The following USF3 variants were observed in gnomAD, a reference collection of about 807,000 sequenced individuals.
USF3 encodes the protein upstream transcription factor family member 3.
USF3 carries 29 observed loss-of-function variants against 157.5 expected under a neutral mutation model. The ratio of observed to expected loss-of-function variants is 0.18; its 90% confidence interval spans 0.14 to 0.25. The LOEUF (loss-of-function observed/expected upper bound fraction) is 0.25, where lower values mean the gene tolerates loss of function less well. USF3 is among the 10% of genes least tolerant of loss of function. The probability of loss-of-function intolerance (pLI) is 1.00; values close to 1 mark genes in which losing one functional copy is unlikely to be tolerated. For synonymous variants in USF3, 893 were observed against 941.4 expected, an observed-to-expected ratio of 0.95 and a Z score of 0.94; for missense variants, 2,381 against 2,667.6, an observed-to-expected ratio of 0.89 and a Z score of 2.37.
At position 113,653,035 on chromosome 3, in the gene USF3, G is replaced by C. The variant is rs534133926; in HGVS notation, c.*1909C>G. 6 of 525,764 alleles carry C rather than the reference G, an allele frequency of 1.1e-5. No homozygotes were observed. Among genetic ancestry groups the C allele is most frequent in the Admixed American group, 4.0e-5 (1 of 25,296 alleles). The allele number at this position is 525,764 out of a possible 1,614,324, so 32.6% of individuals were successfully genotyped here. On this transcript the variant is annotated 3_prime_UTR_variant, in exon 7 of 7. Coordinates refer to ENST00000316407, the MANE Select transcript of USF3 (RefSeq NM_001009899.4). The stretch of plus-strand genomic sequence containing the variant: ...GTTAGTTGCACCTAACGACACTCCA[G>C]CCTGGGTGACAGAGTCTCAAAAAAA...
At position 113,652,412 on chromosome 3, in the gene USF3, C is replaced by A. The variant is rs1473189031; in HGVS notation, c.*2532G>T. 1.3e-5 allele frequency: 2 copies of A among 151,842 alleles called. No individual in the cohort carries two copies. Among genetic ancestry groups the A allele is most frequent in the Non-Finnish European group, 2.9e-5 (2 of 67,988 alleles). 9.4% of individuals were successfully genotyped at this position (151,842 alleles called of 1,614,324 possible). A position where few individuals can be genotyped will look rare whatever the true frequency, so the allele number is the denominator to read the frequency against. On this transcript the variant is annotated 3_prime_UTR_variant, in exon 7 of 7. Transcript: ENST00000316407. ...TGAGTAACTTATTCATGAAGCTCTC[C>A]TATTCTTCCCCAAGACCATTTTGAA...
chr3:113,675,694 G>A (rs529900699), intron 2 of USF3, among the ~76,000 whole-genome samples: 53 of 152,220 alleles, frequency 3.5e-4, no homozygotes, highest in African/African-American at 1.0e-3. Context: ...GTATTAGTCC[G>A]TTCTCATGCT....
At chr3:113,688,433 A>C (rs1253849371) in intron 1 of USF3, among the ~76,000 whole-genome samples, 1 of 152,124 alleles carries the variant, frequency 6.6e-6, no homozygotes, top group Non-Finnish European at 1.5e-5. Context: ...GCCCATTTTG[A>C]ATTCACACTT....
chr3:113,675,203 T>A (rs1419794062), intron 2 of USF3, among the ~76,000 whole-genome samples: 1 of 152,178 alleles, frequency 6.6e-6, no homozygotes, highest in East Asian at 1.9e-4. Context: ...GATGTGAATT[T>A]GAGCAAGAGC....
rs2107915256 is a variant in USF3 at position 113,655,269 on chromosome 3, G to A, written c.6413C>T (p.Pro2138Leu). ...TCCACTGTTTACCTTCTCTGTGCTA[G>A]GATTTGAGAACATCTGATTAGGAAA... ...PYFPNQMFSN[P>L]STEKVNSGSL... Residue 2138 changes from proline (P) to leucine (L), a missense_variant, in exon 7 of 7, where the codon CCT becomes CTT. Pro to Leu is a moderately conservative substitution (Grantham distance 98, BLOSUM62 -3). Coordinates refer to ENST00000316407, the MANE Select transcript of USF3 (RefSeq NM_001009899.4). 6.2e-7 allele frequency: 1 copy of A among 1,614,074 alleles called. No individual in the cohort carries two copies. The highest frequency in any genetic ancestry group is 2.2e-5 in the East Asian group (1 of 44,884).
intron 5 of USF3, among the ~76,000 whole-genome samples, chr3:113,666,055 A>G (rs1478420460): frequency 6.6e-6 from 1 of 151,528 alleles, no homozygotes; most frequent in Non-Finnish European, 1.5e-5. Context: ...GTGGTGGCAC[A>G]TGCCTGTAAT....
In USF3 at chr3:113,648,614, A is replaced by T. The variant is rs1347870102; in HGVS notation, c.*6330T>A. 2.6e-5 allele frequency: 4 copies of T among 152,742 alleles called. No individual in the cohort carries two copies. The East Asian group carries it at 7.7e-4, about 29-fold the overall frequency. The allele number at this position is 152,742 out of a possible 1,614,324, so 9.5% of individuals were successfully genotyped here. ...ACAACTGTAGGACAATCCTGATCAT[A>T]TTATACATATCTGCTCTGGATTCCA... On this transcript the variant is annotated 3_prime_UTR_variant, in exon 7 of 7. Coordinates refer to ENST00000316407, the MANE Select transcript of USF3 (RefSeq NM_001009899.4).
At chr3:113,663,388 A>G (rs1947516526) in intron 6 of USF3, among the ~76,000 whole-genome samples, 1 of 152,234 alleles carries the variant, frequency 6.6e-6, no homozygotes. Context: ...GTTACTAAAC[A>G]TGGATCATTT....
At chr3:113,669,325 A>C (rs1707092424) in intron 5 of USF3, among the ~76,000 whole-genome samples, 1 of 151,766 alleles carries the variant, frequency 6.6e-6, no homozygotes, top group Non-Finnish European at 1.5e-5. Context: ...AAAAAAAAAA[A>C]AACACAGAAG....
At position 113,663,611 on chromosome 3, in the gene USF3, T is replaced by G. The variant is rs1259637745; in HGVS notation, c.256+702A>C. On this transcript the variant is annotated intron_variant, in intron 6 of 6. Coordinates refer to ENST00000316407, the MANE Select transcript of USF3 (RefSeq NM_001009899.4). ...GGCAATTCTGCCCTTTTTTCTCTCT[T>G]TTTAAGGTGGCCTACTGAGTTGTCA... 3.3e-5 allele frequency among the ~76,000 whole-genome samples: 5 copies of G among 152,218 alleles called. No individual in the cohort carries two copies. In the East Asian group the frequency reaches 9.6e-4, roughly 29 times the overall value.
At chr3:113,692,093 T>C (rs1184379261) in intron 1 of USF3, among the ~76,000 whole-genome samples, 1 of 152,162 alleles carries the variant, frequency 6.6e-6, no homozygotes, top group Non-Finnish European at 1.5e-5. Flanking sequence ...TGGTTCAGAA[T>C]AGGGCTCGCA....
In USF3 at chr3:113,659,053, G is replaced by A. The variant is rs754264180; in HGVS notation, c.2629C>T (p.Pro877Ser). 1 of 1,614,038 alleles carries A rather than the reference G, an allele frequency of 6.2e-7. No individual in the cohort carries two copies. The highest frequency in any genetic ancestry group is 8.5e-7 in the Non-Finnish European group (1 of 1,180,018). Residue 877 changes from proline to serine, a missense_variant, in exon 7 of 7, where the codon CCT (proline) becomes TCT (serine). By Grantham distance (74) the Pro-to-Ser change is moderately conservative (BLOSUM62 -1). Transcript: ENST00000316407. The stretch of plus-strand genomic sequence containing the variant: ...GACTTAGATTTCGATACAGACTCAG[G>A]TATTAATGATTCAGAGCTTAGAACA... ...LGVLSSESLIPESVSKSKSAE... is the reference protein window; with the variant it reads ...LGVLSSESLISESVSKSKSAE...
intron 4 of USF3, among the ~76,000 whole-genome samples, chr3:113,672,469 C>A (rs765799587): frequency 6.6e-6 from 1 of 151,844 alleles, no homozygotes; most frequent in Non-Finnish European, 1.5e-5. Flanking sequence ...TGACTCCAAT[C>A]AAAAAGATTA....
intron 1 of USF3, among the ~76,000 whole-genome samples, chr3:113,683,574 T>A (rs1440703858): frequency 7.0e-6 from 1 of 143,464 alleles, no homozygotes; most frequent in East Asian, 2.3e-4. Context: ...ATTCAAGCAA[T>A]TCTCCTGCTT....
chr3:113,689,389 T>C (rs1176121690), intron 1 of USF3, among the ~76,000 whole-genome samples: 1 of 152,230 alleles, frequency 6.6e-6, no homozygotes, highest in Non-Finnish European at 1.5e-5. Context: ...ACTGAGAAGA[T>C]AGAAGTCAAG....
intron 1 of USF3, among the ~76,000 whole-genome samples, chr3:113,691,753 C>T (rs1257507301): frequency 6.6e-6 from 1 of 152,170 alleles, no homozygotes; most frequent in African/African-American, 2.4e-5. Flanking sequence ...TAGCCAAATT[C>T]AATCTCTATT....
chr3:113,679,729 A>C (rs1228607832), intron 1 of USF3, among the ~76,000 whole-genome samples: 2 of 152,124 alleles, frequency 1.3e-5, no homozygotes, highest in African/African-American at 2.4e-5. Context: ...AAGTTCTTTC[A>C]TGACCCTTTC....
At chr3:113,664,262 C>T in intron 6 of USF3, 51 bp downstream of exon 6, 3 of 1,203,368 alleles carry the variant, frequency 2.5e-6, no homozygotes, top group South Asian at 1.3e-5. Context: ...GTGACACAAA[C>T]ACCTAAACAT....
chr3:113,658,033 G>A lies in USF3; in HGVS notation c.3649C>T (p.Leu1217=). 6.2e-7 allele frequency: 1 copy of A among 1,614,110 alleles called. No homozygotes were observed. The highest frequency in any genetic ancestry group is 8.5e-7 in the Non-Finnish European group (1 of 1,180,010). ...ERPLEKPSCS[L]GIKTSNASLQ... ...GATGCATTTGATGTTTTAATTCCTA[G>A]AGAACAACTTGGTTTCTCAAGGGGC... Residue 1217 remains leucine, a synonymous_variant, in exon 7 of 7, where the codon CTA becomes TTA. Coordinates refer to ENST00000316407, the MANE Select transcript of USF3 (RefSeq NM_001009899.4).
Sources: gnomAD v4.1 joint callset for allele counts (sites outside exome capture counted in the v4.1 genomes callset) on GRCh38, gnomAD v4.1.1 for gene constraint, MANE v1.5 for transcripts, NCBI Gene and HGNC (gene_info 2026-07-23, HGNC 2026-07-21) for gene names.